The following MIPOL1 variants were observed in gnomAD, a reference collection of about 807,000 sequenced individuals.
MIPOL1 encodes the protein mirror-image polydactyly gene 1 protein.
Under a neutral mutation model 60.9 loss-of-function variants are expected in MIPOL1, and 57 were observed. The observed-to-expected ratio is 0.94, with a 90% CI of 0.76 to 1.17. The LOEUF is 1.17. Ranked by LOEUF, MIPOL1 falls within the 50% of genes most tolerant of loss-of-function variation. The probability of loss-of-function intolerance (pLI) is 0.00; values close to 1 mark genes in which losing one functional copy is unlikely to be tolerated. For synonymous variants in MIPOL1, 179 were observed against 168.8 expected (o/e 1.06, Z -0.47); for missense variants, 551 against 511.6 (o/e 1.08, Z -0.74).
intron 9 of MIPOL1, among the ~76,000 whole-genome samples, chr14:37,357,215 A>G (rs1288854152): frequency 6.6e-6 from 1 of 152,158 alleles, no homozygotes; most frequent in Non-Finnish European, 1.5e-5. Context: ...ACTAACTTAC[A>G]TTCTCACCAA....
At chr14:37,458,342 C>T (rs1395304587) in intron 11 of MIPOL1, among the ~76,000 whole-genome samples, 1 of 152,160 alleles carries the variant, frequency 6.6e-6, no homozygotes, top group Non-Finnish European at 1.5e-5. Context: ...TCAGAACATT[C>T]TATCCAACAA....
At chr14:37,456,127 G>A (rs1445312064) in intron 11 of MIPOL1, among the ~76,000 whole-genome samples, 1 of 151,658 alleles carries the variant, frequency 6.6e-6, no homozygotes, top group African/African-American at 2.4e-5. Context: ...TAACTTTTTT[G>A]TGAAGTTATC....
chr14:37,330,791 C>A (rs2089613672), intron 9 of MIPOL1, among the ~76,000 whole-genome samples: 1 of 147,336 alleles, frequency 6.8e-6, no homozygotes, highest in Non-Finnish European at 1.5e-5. Flanking sequence ...CACTAAAATA[C>A]ACAGAGTACA....
chr14:37,408,533 G>A (rs2093630289), intron 10 of MIPOL1, among the ~76,000 whole-genome samples: 1 of 152,160 alleles, frequency 6.6e-6, no homozygotes, highest in Admixed American at 6.5e-5. Flanking sequence ...AGGAGGCTGA[G>A]GTTGCAGGAT....
chr14:37,441,024 A>G (rs1490548360), intron 11 of MIPOL1, among the ~76,000 whole-genome samples: 2 of 152,254 alleles, frequency 1.3e-5, no homozygotes, highest in Admixed American at 6.5e-5. Context: ...GATGTTGAGC[A>G]TTTCTTCATA....
intron 9 of MIPOL1, among the ~76,000 whole-genome samples, chr14:37,332,626 A>G (rs1459039120): frequency 3.3e-5 from 5 of 152,216 alleles, no homozygotes; most frequent in Admixed American, 3.3e-4. Flanking sequence ...TACATTTACA[A>G]TACTGAACTG....
At chr14:37,243,428 T>A (rs577840224) in intron 1 of MIPOL1, among the ~76,000 whole-genome samples, 1 of 152,322 alleles carries the variant, frequency 6.6e-6, no homozygotes, top group African/African-American at 2.4e-5. Flanking sequence ...TGATAAAATA[T>A]TTGGCTCTCT....
chr14:37,467,072 T>A (rs1171060584), intron 11 of MIPOL1, among the ~76,000 whole-genome samples: 1 of 152,236 alleles, frequency 6.6e-6, no homozygotes, highest in Non-Finnish European at 1.5e-5. Context: ...CTTATAAATG[T>A]GATATAAAGC....
rs2082576948 is a variant in MIPOL1 at position 37,262,417 on chromosome 14, G to A, written c.20-4521G>A. ...CAAATTTGCACTCCAATAGGAAAAG[G>A]AAGTCTTATATTTTGATGTTTTTAT... is the stretch of plus-strand genomic sequence containing the variant. On this transcript the variant is annotated intron_variant, in intron 3 of 12. Coordinates refer to ENST00000684589, the MANE Select transcript of MIPOL1 (RefSeq NM_001388067.1). Among the ~76,000 whole-genome samples the A allele has an allele frequency of 2.6e-5, 4 of 151,990 alleles. No homozygotes were observed. The South Asian group carries it at 6.2e-4, about 24-fold the overall frequency.
chr14:37,262,128 C>T (rs966433061), intron 3 of MIPOL1, among the ~76,000 whole-genome samples: 1 of 151,772 alleles, frequency 6.6e-6, no homozygotes, highest in South Asian at 2.1e-4. Flanking sequence ...GGAAAGCTAA[C>T]CCTCTATTCC....
At chr14:37,430,268 C>T (rs980041179) in intron 11 of MIPOL1, among the ~76,000 whole-genome samples, 10 of 151,958 alleles carry the variant, frequency 6.6e-5, no homozygotes, top group African/African-American at 1.9e-4. Context: ...TTAATTTTGA[C>T]GTGAAAAGCT....
intron 12 of MIPOL1, among the ~76,000 whole-genome samples, chr14:37,521,724 T>G (rs1451223087): frequency 6.6e-6 from 1 of 151,970 alleles, no homozygotes; most frequent in Non-Finnish European, 1.5e-5. Context: ...TGCTCATTTG[T>G]GGGCTCTCAG....
At chr14:37,403,282 A>T (rs942692014) in intron 10 of MIPOL1, among the ~76,000 whole-genome samples, 1 of 152,014 alleles carries the variant, frequency 6.6e-6, no homozygotes, top group Non-Finnish European at 1.5e-5. Context: ...AATATTACAA[A>T]TTCTCATGGG....
chr14:37,447,679 T>C (rs2094357818), intron 11 of MIPOL1, among the ~76,000 whole-genome samples: 1 of 152,158 alleles, frequency 6.6e-6, no homozygotes, highest in Non-Finnish European at 1.5e-5. Context: ...GGCAGAACAA[T>C]GATATGTGAC....
Position 37,248,975 on chromosome 14 carries a change from A to AGGATGGAT in MIPOL1, c.19+1103_19+1110dup, listed in dbSNP as rs3061903. 1.1e-3 allele frequency among the ~76,000 whole-genome samples: 160 copies of AGGATGGAT among 149,528 alleles called. 1 individual carries two copies. Among genetic ancestry groups the AGGATGGAT allele is most frequent in the Middle Eastern group, 6.9e-3 (2 of 288 alleles). ...AGATATGGCCTGAAAAACAAATGGA[A>AGGATGGAT]GGATGGATGGATGGATGGATGGATG... On this transcript the variant is annotated intron_variant, in intron 3 of 12. Transcript: ENST00000684589.
chr14:37,433,389 G>T lies in MIPOL1; in HGVS notation c.1031+10440G>T, dbSNP rs142467182. Reference sequence around the variant, plus strand: ...TCCCCTTGCCCCCCAACCTCCAACAGGCCCCGGTGTGTGATGGTCCCCTTC... The same window carrying T: ...TCCCCTTGCCCCCCAACCTCCAACATGCCCCGGTGTGTGATGGTCCCCTTC... On this transcript the variant is annotated intron_variant, in intron 11 of 12. Transcript: ENST00000684589. 1.7e-3 allele frequency among the ~76,000 whole-genome samples: 258 copies of T among 151,930 alleles called. 1 individual carries two copies. Among genetic ancestry groups the T allele is most frequent in the African/African-American group, 5.9e-3 (244 of 41,446 alleles).
At chr14:37,307,986 A>G (rs2086929179) in intron 7 of MIPOL1, 70 bp from the exon 8 acceptor site, 1 of 1,329,792 alleles carries the variant, frequency 7.5e-7, no homozygotes, top group Non-Finnish European at 1.1e-6. Context: ...CTAAAGATTT[A>G]AAAAGCGAAC....
intron 7 of MIPOL1, among the ~76,000 whole-genome samples, chr14:37,285,677 C>T (rs1354901340): frequency 1.3e-5 from 2 of 151,610 alleles, no homozygotes; most frequent in Non-Finnish European, 2.9e-5. Flanking sequence ...CTGCAACCTC[C>T]GCCTCCCGGG....
At chr14:37,419,537 A>G (rs959446382) in intron 10 of MIPOL1, among the ~76,000 whole-genome samples, 2 of 152,238 alleles carry the variant, frequency 1.3e-5, no homozygotes, top group Non-Finnish European at 2.9e-5. Flanking sequence ...ACTTGCATAT[A>G]TGTTTACTTT....
Sources: allele counts gnomAD v4.1 joint callset (sites outside exome capture counted in the v4.1 genomes callset), GRCh38; gene constraint gnomAD v4.1.1; transcripts MANE v1.5; gene names NCBI Gene and HGNC (gene_info 2026-07-23, HGNC 2026-07-21).